ZNF512: variants seen among roughly 807,000 people sequenced by gnomAD.
The protein encoded by ZNF512 is zinc finger protein 512.
ZNF512 carries 25 observed loss-of-function variants against 77.5 expected under a neutral mutation model. The observed-to-expected ratio is 0.32, with a 90% confidence interval of 0.23 to 0.45. The LOEUF (loss-of-function observed/expected upper bound fraction) is 0.45. Ranked by LOEUF, ZNF512 falls within the 20% of genes least tolerant of loss-of-function variation. The pLI, the probability that ZNF512 is intolerant of heterozygous loss-of-function variation, is 1.00. For missense variants in ZNF512, 483 were observed against 692.6 expected, an observed-to-expected ratio of 0.70 and a Z score of 3.40; for synonymous variants, 246 against 239.9, an observed-to-expected ratio of 1.03 and a Z score of -0.24.
chr2:27,599,971 G>A lies in ZNF512; in HGVS notation c.375G>A (p.Gly125=), dbSNP rs1176736595. The A allele has an allele frequency of 5.0e-6, 8 of 1,614,180 alleles. No homozygotes were observed. The highest frequency in any genetic ancestry group is 1.3e-5 in the African/African-American group (1 of 75,052). The change falls in exon 5 of 14, where the codon GGG becomes GGA. Residue 125 remains glycine, a splice_region_variant and synonymous_variant. Coordinates refer to ENST00000355467, the MANE Select transcript of ZNF512 (RefSeq NM_032434.4). ...CTTCAAGTTTCTGTCTTATGTCAGG[G>A]AGGAAGCAACGGCCTAAAACTCAGC... is the stretch of plus-strand genomic sequence containing the variant. ...EFPQKKHKLY[G]RKQRPKTQPN...
In ZNF512 at chr2:27,608,129, C is replaced by T. The variant is rs755256246; in HGVS notation, c.1131+90C>T. 3.2e-4 allele frequency: 380 copies of T among 1,178,342 alleles called. 1 individual carries two copies. The highest frequency in any genetic ancestry group is 4.2e-4 in the Non-Finnish European group (361 of 864,164). 73.0% of individuals were successfully genotyped at this position (1,178,342 alleles called of 1,614,324 possible). On this transcript the variant is annotated intron_variant, in intron 10 of 13. Coordinates refer to ENST00000355467, the MANE Select transcript of ZNF512 (RefSeq NM_032434.4). Reference sequence around the variant, plus strand: ...AGAAGTAAATGCACTTGAGGAAGTACGTGATAGGCAGTATTTTGTTTGTTT... The same window carrying T: ...AGAAGTAAATGCACTTGAGGAAGTATGTGATAGGCAGTATTTTGTTTGTTT...
Position 27,621,302 on chromosome 2 carries a change from C to T in ZNF512, c.1545C>T (p.Pro515=), listed in dbSNP as rs758084107. The stretch of plus-strand genomic sequence containing the variant: ...GGCAGCAGCCTGGCATTGAGCTTCC[C>T]GAGACAGAGCTGAGTCTTAGAGTAG... The part of the protein sequence containing the change: ...RRRQQPGIEL[P]ETELSLRVGK... The change falls in exon 14 of 14, where the codon CCC becomes CCT. Residue 515 remains proline, a synonymous_variant. Transcript: ENST00000355467. 11 of 1,614,032 alleles carry T rather than the reference C, an allele frequency of 6.8e-6. No individual in the cohort carries two copies. The highest frequency in any genetic ancestry group is 2.2e-5 in the East Asian group (1 of 44,876).
At chr2:27,610,516 G>A (rs1285803104) in intron 10 of ZNF512, among the ~76,000 whole-genome samples, 1 of 120,388 alleles carries the variant, frequency 8.3e-6, no homozygotes. Flanking sequence ...ATATATGTGT[G>A]TATATGTGTG....
chr2:27,590,710 A>G (rs1671531876), intron 2 of ZNF512, among the ~76,000 whole-genome samples: 1 of 152,036 alleles, frequency 6.6e-6, no homozygotes, highest in African/African-American at 2.4e-5. Context: ...TCTGTTGCCC[A>G]GGCTGGAGTT....
At chr2:27,617,263 G>C in intron 12 of ZNF512, 1 of 476,806 alleles carries the variant, frequency 2.1e-6, no homozygotes, top group Admixed American at 3.3e-5. Context: ...TAGGGTGGGT[G>C]ATTGGAACAG....
At chr2:27,610,865 C>T (rs569389600) in intron 10 of ZNF512, among the ~76,000 whole-genome samples, 2 of 151,698 alleles carry the variant, frequency 1.3e-5, no homozygotes, top group African/African-American at 2.4e-5. Flanking sequence ...AGCTACTGTG[C>T]GTGGCCTGGT....
At chr2:27,606,344 A>T (rs1443708933) in intron 9 of ZNF512, among the ~76,000 whole-genome samples, 6 of 151,740 alleles carry the variant, frequency 4.0e-5, no homozygotes, top group African/African-American at 1.5e-4. Flanking sequence ...ATCTTTGCTT[A>T]ACTCAATGTA....
chr2:27,603,160 C>T lies in ZNF512; in HGVS notation c.789C>T (p.Thr263=). The change falls in exon 9 of 14, where the codon ACC becomes ACT. Residue 263 remains threonine (T), a synonymous_variant. Transcript: ENST00000355467. The part of the protein sequence containing the change: ...CMRESCSSSF[T]SIMGYLYHVR... ...TTCAGAGTTGCTCCAGTAGCTTCAC[C>T]AGCATCATGGGATATCTCTACCATG... is the stretch of plus-strand genomic sequence containing the variant. The T allele has an allele frequency of 3.1e-6, 5 of 1,614,080 alleles. No individual in the cohort carries two copies. The highest frequency in any genetic ancestry group is 2.2e-5 in the East Asian group (1 of 44,884).
intron 2 of ZNF512, among the ~76,000 whole-genome samples, chr2:27,596,517 A>G (rs984956321): frequency 2.6e-5 from 4 of 152,214 alleles, no homozygotes; most frequent in Non-Finnish European, 5.9e-5. Context: ...AAAGCTGCCT[A>G]TGCTGCTCTG....
At chr2:27,611,251 T>C (rs572054053) in intron 10 of ZNF512, among the ~76,000 whole-genome samples, 1 of 152,268 alleles carries the variant, frequency 6.6e-6, no homozygotes, top group Non-Finnish European at 1.5e-5. Flanking sequence ...CCACATTTTA[T>C]TTCATTTCTG....
intron 7 of ZNF512, among the ~76,000 whole-genome samples, chr2:27,601,796 G>C (rs1672125613): frequency 6.6e-6 from 1 of 152,208 alleles, no homozygotes; most frequent in Admixed American, 6.5e-5. Context: ...TTACAGGCAT[G>C]CACCACCACA....
At chr2:27,617,369 C>A in intron 12 of ZNF512, 104 bp from the exon 13 acceptor site, 1 of 670,310 alleles carries the variant, frequency 1.5e-6, no homozygotes. Context: ...CTTATCTTTG[C>A]TGAAGTAGAA....
At chr2:27,597,650 A>G (rs1442786850) in intron 2 of ZNF512, among the ~76,000 whole-genome samples, 1 of 152,236 alleles carries the variant, frequency 6.6e-6, no homozygotes, top group African/African-American at 2.4e-5. Flanking sequence ...TAGGGCCCAC[A>G]GACTATTCCT....
intron 2 of ZNF512, among the ~76,000 whole-genome samples, chr2:27,589,243 A>G (rs1572904162): frequency 6.6e-6 from 1 of 152,268 alleles, no homozygotes; most frequent in East Asian, 1.9e-4. Context: ...ATGGGCCTGT[A>G]GTTTTCACTG....
chr2:27,613,055 T>C (rs1482684791), intron 10 of ZNF512, among the ~76,000 whole-genome samples: 1 of 152,230 alleles, frequency 6.6e-6, no homozygotes, highest in Non-Finnish European at 1.5e-5. Context: ...TGTTCCCACT[T>C]ACCTCCAAAG....
At chr2:27,583,520 C>A (rs1481806186) in intron 1 of ZNF512, 138 bp from the exon 2 acceptor site, 1 of 1,506,480 alleles carries the variant, frequency 6.6e-7, no homozygotes, top group Non-Finnish European at 8.8e-7. Context: ...CATATTTTTC[C>A]TAAAAGGTGT....
intron 3 of ZNF512, among the ~76,000 whole-genome samples, chr2:27,599,173 C>T (rs1672004440): frequency 6.6e-6 from 1 of 152,066 alleles, no homozygotes; most frequent in South Asian, 2.1e-4. Flanking sequence ...CTAGTGTGAT[C>T]CTCTGTTGAT....
chr2:27,601,279 A>G lies in ZNF512; in HGVS notation c.583-77A>G. The G allele has an allele frequency of 3.9e-6, 4 of 1,036,514 alleles. No individual in the cohort carries two copies. The South Asian group carries it at 6.3e-5, about 16-fold the overall frequency. 64.2% of individuals were successfully genotyped at this position (1,036,514 alleles called of 1,614,324 possible). A position where few individuals can be genotyped will look rare whatever the true frequency, so the allele number is the denominator to read the frequency against. ...TGAGAAATAAAGGAGACATAGATGAAAGCATTTGAGTCGGACTTCATGACA... is the reference window on the plus strand; with the variant it reads ...TGAGAAATAAAGGAGACATAGATGAGAGCATTTGAGTCGGACTTCATGACA... On this transcript the variant is annotated intron_variant, in intron 6 of 13. Transcript: ENST00000355467.
intron 13 of ZNF512, among the ~76,000 whole-genome samples, chr2:27,619,560 T>G (rs1485112761): frequency 6.6e-6 from 1 of 152,146 alleles, no homozygotes; most frequent in Non-Finnish European, 1.5e-5. Flanking sequence ...GATTTATGCC[T>G]CTATGAATTT....
Sources: allele counts gnomAD v4.1 joint callset (sites outside exome capture counted in the v4.1 genomes callset), GRCh38; gene constraint gnomAD v4.1.1; transcripts MANE v1.5; gene names NCBI Gene and HGNC (gene_info 2026-07-23, HGNC 2026-07-21).